The following ATP13A4 variants were observed in gnomAD, a reference collection of about 807,000 sequenced individuals.
ATP13A4 encodes the protein ATPase 13A4.
In ATP13A4, 114 loss-of-function variants were observed where a neutral mutation model predicts 142.5. That is an observed-to-expected ratio of 0.80 (90% CI 0.69 to 0.93). The LOEUF (loss-of-function observed/expected upper bound fraction) is 0.93. Ranked by LOEUF, ATP13A4 falls within the 40% of genes least tolerant of loss-of-function variation. ATP13A4 has a pLI of 0.00. For missense variants in ATP13A4, 1,392 were observed against 1,454.0 expected (o/e 0.96, Z 0.69); for synonymous variants, 488 against 514.8 (o/e 0.95, Z 0.70).
chr3:193,546,623 CAAT>C (rs1490482852), intron 1 of ATP13A4, among the ~76,000 whole-genome samples: 1 of 152,202 alleles, frequency 6.6e-6, no homozygotes, highest in African/African-American at 2.4e-5. Context: ...GCCAACACAA[CAAT>C]GTTGGTCTCC....
At chr3:193,527,551 G>A (rs370662668) in intron 1 of ATP13A4, among the ~76,000 whole-genome samples, 1 of 151,626 alleles carries the variant, frequency 6.6e-6, no homozygotes, top group Non-Finnish European at 1.5e-5. Flanking sequence ...GGCAGAGGCT[G>A]CAGTGAGCTG....
chr3:193,489,656 TC>T, intron 7 of ATP13A4, 73 bp downstream of exon 7: 4 of 1,498,034 alleles, frequency 2.7e-6, no homozygotes, highest in Non-Finnish European at 3.7e-6. Context: ...TTCCTGATTC[TC>T]CTTTCTAACA....
At chr3:193,508,989 G>GA (rs35561827) in intron 2 of ATP13A4, among the ~76,000 whole-genome samples, 2,442 of 140,402 alleles carry the variant, frequency 0.017, 73 homozygotes, top group African/African-American at 0.057. Flanking sequence ...GACTGTCCAG[G>GA]AAAAAAAAAA....
chr3:193,589,828 T>G (rs892107950), intron 1 of ATP13A4, among the ~76,000 whole-genome samples: 4 of 152,156 alleles, frequency 2.6e-5, no homozygotes, highest in African/African-American at 9.7e-5. Context: ...ACTCAAATAT[T>G]TTCGTGGGTT....
In ATP13A4 at chr3:193,442,466, G is replaced by A. The variant is rs778927180; in HGVS notation, c.2243C>T (p.Thr748Ile). 1.7e-5 allele frequency: 28 copies of A among 1,613,898 alleles called. No homozygotes were observed. The South Asian group carries it at 3.0e-4, about 17-fold the overall frequency. The part of the protein sequence containing the change: ...QKVILIEANE[T>I]TGSSSASISW... ...TATAGATGCTGATGAGGACCCGGTG[G>A]TTTCATTTGCCTCAATGAGAATGAC... The change falls in exon 19 of 30, where the codon ACC (threonine) becomes ATC (isoleucine). Residue 748 changes from threonine to isoleucine, a missense_variant. Transcript: ENST00000342695.
intron 2 of ATP13A4, among the ~76,000 whole-genome samples, chr3:193,569,277 G>C (rs1291906158): frequency 6.6e-6 from 1 of 152,174 alleles, no homozygotes; most frequent in East Asian, 1.9e-4. Flanking sequence ...AAAGGGACGT[G>C]GTACAAAATA....
chr3:193,557,995 G>A (rs1447070879), upstream of ATP13A4, among the ~76,000 whole-genome samples: 2 of 152,222 alleles, frequency 1.3e-5, no homozygotes, highest in Non-Finnish European at 2.9e-5. Context: ...ACATGTGGCA[G>A]GGAAATATGG....
At chr3:193,538,040 T>C (rs1722680258) in intron 1 of ATP13A4, among the ~76,000 whole-genome samples, 1 of 152,170 alleles carries the variant, frequency 6.6e-6, no homozygotes, top group African/African-American at 2.4e-5. Flanking sequence ...CTTGACTGTA[T>C]CAATGTCACT....
At chr3:193,469,998 A>G (rs1043621461) in intron 9 of ATP13A4, among the ~76,000 whole-genome samples, 1 of 152,194 alleles carries the variant, frequency 6.6e-6, no homozygotes, top group African/African-American at 2.4e-5. Flanking sequence ...GTAAGCTAAC[A>G]TAGGAAGAAG....
chr3:193,460,475 C>A (rs1717885838), intron 13 of ATP13A4, among the ~76,000 whole-genome samples: 1 of 152,218 alleles, frequency 6.6e-6, no homozygotes, highest in African/African-American at 2.4e-5. Flanking sequence ...CCTTTTGTCA[C>A]ACTAAGAGTT....
chr3:193,495,729 G>A (rs1219003718), intron 3 of ATP13A4, among the ~76,000 whole-genome samples: 1 of 152,144 alleles, frequency 6.6e-6, no homozygotes, highest in African/African-American at 2.4e-5. Flanking sequence ...GTCCTAGCCA[G>A]AGCAATTAGG....
intron 2 of ATP13A4, among the ~76,000 whole-genome samples, chr3:193,560,866 G>T (rs1439730313): frequency 3.9e-5 from 6 of 152,186 alleles, no homozygotes; most frequent in African/African-American, 1.4e-4. Context: ...AGAGAGAAAG[G>T]CCATAAGACA....
chr3:193,568,191 C>A (rs371659997), intron 2 of ATP13A4, among the ~76,000 whole-genome samples: 1 of 152,124 alleles, frequency 6.6e-6, no homozygotes, highest in African/African-American at 2.4e-5. Flanking sequence ...AAACTCCTGA[C>A]CTCAGGTGAT....
At chr3:193,445,673 C>T (rs1371880030) in intron 18 of ATP13A4, among the ~76,000 whole-genome samples, 1 of 152,052 alleles carries the variant, frequency 6.6e-6, no homozygotes, top group Non-Finnish European at 1.5e-5. Flanking sequence ...AGGAGAATCG[C>T]TTGAACCCGG....
intron 25 of ATP13A4, among the ~76,000 whole-genome samples, chr3:193,427,550 T>A (rs1715732485): frequency 6.6e-6 from 1 of 152,160 alleles, no homozygotes; most frequent in African/African-American, 2.4e-5. Flanking sequence ...GACTTCAAAC[T>A]GTACTACAAG....
intron 3 of ATP13A4, among the ~76,000 whole-genome samples, chr3:193,499,673 G>A (rs1720429614): frequency 1.3e-5 from 2 of 152,320 alleles, no homozygotes; most frequent in Admixed American, 1.3e-4. Context: ...GATTCAAGCT[G>A]TATAAAGTGA....
chr3:193,402,542 AG>A lies in ATP13A4; in HGVS notation c.*109del. ...AGTTTGTCACCATGATTTGATAGGT[AG>A]CCCCAAAACTCCAGCTGATGTTACA... On this transcript the variant is annotated 3_prime_UTR_variant, in exon 30 of 30. Coordinates refer to ENST00000342695, the MANE Select transcript of ATP13A4 (RefSeq NM_032279.4). The A allele has an allele frequency of 1.4e-6, 1 of 701,184 alleles. No individual in the cohort carries two copies. Among genetic ancestry groups the A allele is most frequent in the South Asian group, 1.6e-5 (1 of 63,114 alleles). 43.4% of individuals were successfully genotyped at this position (701,184 alleles called of 1,614,324 possible). A position where few individuals can be genotyped will look rare whatever the true frequency, so the allele number is the denominator to read the frequency against.
chr3:193,454,182 A>G lies in ATP13A4; in HGVS notation c.1946T>C (p.Ile649Thr), dbSNP rs1717443707. ...VPTSFVSELQIYTTQGFRVIA... is the reference protein window; with the variant it reads ...VPTSFVSELQTYTTQGFRVIA... Reference sequence around the variant, plus strand: ...GACTCGGAAGCCCTGTGTCGTGTAAATCTGAAGTTCGCTAACAAAACTAGT... The same window carrying G: ...GACTCGGAAGCCCTGTGTCGTGTAAGTCTGAAGTTCGCTAACAAAACTAGT... Residue 649 changes from isoleucine (I) to threonine (T), a missense_variant, in exon 17 of 30, where the codon ATT (isoleucine) becomes ACT (threonine). Ile to Thr is a moderately conservative substitution (Grantham distance 89). Coordinates refer to ENST00000342695, the MANE Select transcript of ATP13A4 (RefSeq NM_032279.4). 2.5e-6 allele frequency: 4 copies of G among 1,614,050 alleles called. No homozygotes were observed. Among genetic ancestry groups the G allele is most frequent in the Non-Finnish European group, 3.4e-6 (4 of 1,179,888 alleles).
chr3:193,524,213 G>C (rs756375112), intron 1 of ATP13A4, among the ~76,000 whole-genome samples: 4 of 152,148 alleles, frequency 2.6e-5, no homozygotes, highest in Non-Finnish European at 4.4e-5. Flanking sequence ...AACCTGAAAG[G>C]GTGGGGGTAT....
Sources: gnomAD v4.1 joint callset for allele counts (sites outside exome capture counted in the v4.1 genomes callset) on GRCh38, gnomAD v4.1.1 for gene constraint, MANE v1.5 for transcripts, NCBI Gene and HGNC (gene_info 2026-07-23, HGNC 2026-07-21) for gene names.